NLGN1: variants seen among roughly 807,000 people sequenced by gnomAD.
NLGN1 encodes the protein neuroligin 1, also known as neuroligin-1.
In NLGN1, 12 loss-of-function variants were observed where a neutral mutation model predicts 65.5. The observed-to-expected ratio is 0.18, with a 90% confidence interval of 0.12 to 0.30. The LOEUF (loss-of-function observed/expected upper bound fraction) is 0.30. Among genes scored for constraint, NLGN1 ranks in the 10% least tolerant of loss-of-function variants. The pLI is 1.00. For synonymous variants in NLGN1, 350 were observed against 359.5 expected (o/e 0.97, Z 0.30); for missense variants, 750 against 1,007.1 (o/e 0.74, Z 3.46).
intron 1 of NLGN1, among the ~76,000 whole-genome samples, chr3:173,407,905 G>C (rs1280759295): frequency 6.6e-6 from 1 of 151,964 alleles, no homozygotes; most frequent in African/African-American, 2.4e-5. Flanking sequence ...CAGAAAAATT[G>C]GTTCATATTA....
intron 2 of NLGN1, among the ~76,000 whole-genome samples, chr3:173,494,563 G>A (rs1471081746): frequency 1.3e-5 from 2 of 151,436 alleles, no homozygotes; most frequent in African/African-American, 4.9e-5. Context: ...TATATCATTT[G>A]TTTTTCTCTC....
intron 3 of NLGN1, among the ~76,000 whole-genome samples, chr3:173,776,040 T>C (rs1341824479): frequency 6.6e-6 from 1 of 152,108 alleles, no homozygotes; most frequent in Non-Finnish European, 1.5e-5. Context: ...TGCAAACTGT[T>C]TATTGCTATA....
intron 4 of NLGN1, among the ~76,000 whole-genome samples, chr3:174,208,718 T>C (rs1223594726): frequency 1.3e-5 from 2 of 149,272 alleles, no homozygotes; most frequent in Non-Finnish European, 3.0e-5. Context: ...GCCCAGAAGG[T>C]AAACACAATG....
At chr3:173,916,710 G>T (rs1484145383) in intron 4 of NLGN1, among the ~76,000 whole-genome samples, 1 of 152,072 alleles carries the variant, frequency 6.6e-6, no homozygotes, top group East Asian at 1.9e-4. Flanking sequence ...TTATAAAAGT[G>T]CTTAAATTTG....
At chr3:174,076,260 A>G (rs1336418599) in intron 4 of NLGN1, among the ~76,000 whole-genome samples, 1 of 152,170 alleles carries the variant, frequency 6.6e-6, no homozygotes, top group Non-Finnish European at 1.5e-5. Context: ...ATATGTATAT[A>G]TGAAAAGAAA....
chr3:174,212,204 T>C (rs1281316266), intron 4 of NLGN1, among the ~76,000 whole-genome samples: 1 of 152,196 alleles, frequency 6.6e-6, no homozygotes, highest in Non-Finnish European at 1.5e-5. Flanking sequence ...CCTCCGCAGC[T>C]GCTGGCCCGG....
At chr3:174,198,239 A>G (rs1733827165) in intron 4 of NLGN1, among the ~76,000 whole-genome samples, 1 of 152,202 alleles carries the variant, frequency 6.6e-6, no homozygotes, top group Non-Finnish European at 1.5e-5. Context: ...ACTCTGTGGC[A>G]TGCTTTACGT....
At chr3:173,754,291 C>CT (rs1776772023) in intron 3 of NLGN1, among the ~76,000 whole-genome samples, 3 of 152,010 alleles carry the variant, frequency 2.0e-5, no homozygotes, top group African/African-American at 7.2e-5. Flanking sequence ...ATCTACCCGC[C>CT]TTGGGCTTCC....
rs185930769 is a variant in NLGN1 at position 173,433,902 on chromosome 3, C to A, written c.-389-1108C>A. ...TTAAATAAAAGTGTCCCTAAAAATT[C>A]ATTAATTAATTAGCATTAAGATTTG... On this transcript the variant is annotated intron_variant, in intron 1 of 6. Transcript: ENST00000457714. Among the ~76,000 whole-genome samples, 3 of 152,194 alleles carry A rather than the reference C, an allele frequency of 2.0e-5. No individual in the cohort carries two copies. In the East Asian group the frequency reaches 5.8e-4, roughly 29 times the overall value.
chr3:174,234,985 CTTTTTTTTTTT>C (rs748911027), intron 4 of NLGN1, among the ~76,000 whole-genome samples: 5 of 65,742 alleles, frequency 7.6e-5, no homozygotes, highest in African/African-American at 1.6e-4. Context: ...AAGGAATCAC[CTTTTTTTTTTT>C]TTTTTTTTTT....
intron 4 of NLGN1, among the ~76,000 whole-genome samples, chr3:173,883,516 G>T (rs1578976323): frequency 6.6e-6 from 1 of 152,076 alleles, no homozygotes. Context: ...AGCATATGTT[G>T]TTGAAAAACC....
intron 4 of NLGN1, among the ~76,000 whole-genome samples, chr3:173,883,708 G>T (rs1298968669): frequency 6.6e-6 from 1 of 151,004 alleles, no homozygotes; most frequent in Non-Finnish European, 1.5e-5. Context: ...TTAAATCCCT[G>T]TACTATATAT....
In NLGN1 at chr3:174,245,601, A is replaced by T. The variant is rs182221532; in HGVS notation, c.647-29714A>T. ...GTCTAATTACACAGTAACCAAATAG[A>T]TACATGTAAAATTATCTCTACAAAG... On this transcript the variant is annotated intron_variant, in intron 4 of 6. Coordinates refer to ENST00000457714, the Ensembl canonical transcript of NLGN1. Among the ~76,000 whole-genome samples, 9 of 152,306 alleles carry T rather than the reference A, an allele frequency of 5.9e-5. 1 individual carries two copies. The highest frequency in any genetic ancestry group is 3.9e-4 in the Admixed American group (6 of 15,302).
intron 3 of NLGN1, among the ~76,000 whole-genome samples, chr3:173,756,864 C>A (rs1777215472): frequency 6.6e-6 from 1 of 151,220 alleles, no homozygotes; most frequent in African/African-American, 2.4e-5. Context: ...TTGACTAGTG[C>A]TTTTTTGTGT....
chr3:173,720,920 G>A (rs1770730867), intron 3 of NLGN1, among the ~76,000 whole-genome samples: 1 of 152,184 alleles, frequency 6.6e-6, no homozygotes, highest in Non-Finnish European at 1.5e-5. Context: ...ATGAGGAGAA[G>A]TAAAGAGTAT....
chr3:173,866,969 G>GT (rs1395714889), intron 4 of NLGN1, among the ~76,000 whole-genome samples: 1 of 152,146 alleles, frequency 6.6e-6, no homozygotes, highest in African/African-American at 2.4e-5. Flanking sequence ...ATTCAGAATT[G>GT]TAAGTCTGAA....
chr3:174,094,842 A>G (rs968765863), intron 4 of NLGN1, among the ~76,000 whole-genome samples: 3 of 151,554 alleles, frequency 2.0e-5, no homozygotes, highest in Non-Finnish European at 4.4e-5. Flanking sequence ...TTCTCATTTC[A>G]TCAGCCTTGG....
intron 3 of NLGN1, among the ~76,000 whole-genome samples, chr3:173,747,087 CACACAA>C (rs1560286751): frequency 6.1e-5 from 9 of 146,924 alleles, no homozygotes; most frequent in African/African-American, 1.5e-4. Flanking sequence ...CACACACACA[CACACAA>C]ACACACACGT....
intron 3 of NLGN1, among the ~76,000 whole-genome samples, chr3:173,761,126 T>C (rs1381603269): frequency 6.6e-6 from 1 of 152,080 alleles, no homozygotes; most frequent in Admixed American, 6.6e-5. Flanking sequence ...CCCTTTTTGC[T>C]ATAATGTCTT....
Sources: allele counts gnomAD v4.1 joint callset (sites outside exome capture counted in the v4.1 genomes callset), GRCh38; gene constraint gnomAD v4.1.1; transcripts MANE v1.5; gene names NCBI Gene and HGNC (gene_info 2026-07-23, HGNC 2026-07-21).